C2orf76: variants seen among roughly 807,000 people sequenced by gnomAD.
The protein encoded by C2orf76 is UPF0538 protein C2orf76.
A neutral mutation model predicts 16.9 loss-of-function variants in C2orf76; 23 were observed. The observed-to-expected ratio is 1.36, with a 90% CI of 0.98 to 1.93. The LOEUF (loss-of-function observed/expected upper bound fraction) is 1.93. Among genes scored for constraint, C2orf76 ranks in the 30% most tolerant of loss-of-function variants. The probability of loss-of-function intolerance (pLI) is 0.00; values close to 1 mark genes in which losing one functional copy is unlikely to be tolerated. For missense variants in C2orf76, 152 were observed against 152.6 expected (o/e 1.00, Z 0.02); for synonymous variants, 48 against 52.3 (o/e 0.92, Z 0.35).
rs1558777524 is a variant in C2orf76, at chr2:119,311,698, A to T, written c.228T>A (p.Asn76Lys). 6.3e-7 allele frequency: 1 copy of T among 1,599,404 alleles called. No homozygotes were observed. The highest frequency in any genetic ancestry group is 8.5e-7 in the Non-Finnish European group (1 of 1,178,532). The change falls in exon 5 of 6, where the codon AAT becomes AAA. Residue 76 changes from asparagine (N) to lysine (K), a missense_variant. Asn to Lys is a moderately conservative substitution (Grantham distance 94, BLOSUM62 0). Transcript: ENST00000334816. ...CATCTTCCAAACTCAACACAAGTTC[A>T]TTTGTCTAAAAAAAAAAAAGAAAAT... is the stretch of plus-strand genomic sequence containing the variant. ...IIHQAHKSKT[N>K]ELVLSLEDDE...
chr2:119,293,853 C>A, the C2orf76 span, among the ~76,000 whole-genome samples: 112 of 152,298 alleles, frequency 7.4e-4, 1 homozygote, highest in African/African-American at 2.6e-3. Flanking sequence ...GTGGAGAAGA[C>A]TGAGCATGGT....
At chr2:119,301,148 T>G (rs1313877976), downstream of C2orf76, among the ~76,000 whole-genome samples, 2 of 152,010 alleles carry the variant, frequency 1.3e-5, no homozygotes, top group Non-Finnish European at 2.9e-5. Flanking sequence ...CTTTTTCTGC[T>G]ATTCTTAAAA....
intron 1 of C2orf76, chr2:119,340,469 A>G (rs1679989890): frequency 3.3e-5 from 5 of 153,148 alleles, no homozygotes; most frequent in African/African-American, 1.2e-4. Context: ...CGATGGTGTT[A>G]CCGTCTTTCA....
At chr2:119,310,912 T>C (rs1036646092) in intron 5 of C2orf76, among the ~76,000 whole-genome samples, 1 of 152,094 alleles carries the variant, frequency 6.6e-6, no homozygotes, top group African/African-American at 2.4e-5. Context: ...AGAAGAAGCA[T>C]GGCTTGTGAC....
intron 1 of C2orf76, among the ~76,000 whole-genome samples, chr2:119,344,024 T>C (rs1231625389): frequency 6.6e-6 from 1 of 152,230 alleles, no homozygotes; most frequent in Non-Finnish European, 1.5e-5. Flanking sequence ...TGAAACTGTT[T>C]TTCACAATTA....
At chr2:119,286,380 T>C in the C2orf76 span, among the ~76,000 whole-genome samples, 1 of 152,050 alleles carries the variant, frequency 6.6e-6, no homozygotes, top group Non-Finnish European at 1.5e-5. Flanking sequence ...AAGGACAAGA[T>C]GGTCCTTGGT....
chr2:119,353,020 G>A (rs1680452179), intron 1 of C2orf76, among the ~76,000 whole-genome samples: 1 of 152,172 alleles, frequency 6.6e-6, no homozygotes, highest in South Asian at 2.1e-4. Context: ...TGGCAAAGGT[G>A]AGCAGATATA....
At chr2:119,351,482 G>A (rs1238105670) in intron 1 of C2orf76, among the ~76,000 whole-genome samples, 1 of 152,178 alleles carries the variant, frequency 6.6e-6, no homozygotes, top group Non-Finnish European at 1.5e-5. Flanking sequence ...TGGGCACGGT[G>A]GCTCACACCT....
chr2:119,309,459 T>TG (rs371283462), intron 5 of C2orf76, among the ~76,000 whole-genome samples: 9,722 of 134,954 alleles, frequency 0.072, 1,149 homozygotes, highest in African/African-American at 0.26. Flanking sequence ...CAGGCTGGAG[T>TG]GCTGTGCTGG....
At position 119,317,579 on chromosome 2, in the gene C2orf76, G is replaced by T. The variant is rs143488329; in HGVS notation, c.185-76C>A. Reference sequence around the variant, plus strand: ...TTTCAAATTATTAAAATGGGTGGAGGGTGGCTACGAAATTGAGAAATGTAA... The same window carrying T: ...TTTCAAATTATTAAAATGGGTGGAGTGTGGCTACGAAATTGAGAAATGTAA... On this transcript the variant is annotated intron_variant, in intron 3 of 5. Transcript: ENST00000334816. 1,369 of 1,206,370 alleles carry T rather than the reference G, an allele frequency of 1.1e-3. 26 individuals carry two copies. Among genetic ancestry groups the T allele is most frequent in the South Asian group, 0.01 (744 of 73,964 alleles). The allele number at this position is 1,206,370 out of a possible 1,614,324, so 74.7% of individuals were successfully genotyped here.
At chr2:119,347,398 T>C (rs1558794082) in intron 1 of C2orf76, among the ~76,000 whole-genome samples, 1 of 152,240 alleles carries the variant, frequency 6.6e-6, no homozygotes, top group Non-Finnish European at 1.5e-5. Context: ...GTATGGATCC[T>C]AATTTGTATA....
At chr2:119,328,318 T>G (rs1170305682) in intron 2 of C2orf76, among the ~76,000 whole-genome samples, 1 of 152,196 alleles carries the variant, frequency 6.6e-6, no homozygotes, top group Non-Finnish European at 1.5e-5. Flanking sequence ...GTTCATGCCG[T>G]TTCTTTTTTA....
chr2:119,299,761 C>T (rs1292433410), downstream of C2orf76, among the ~76,000 whole-genome samples: 3 of 152,142 alleles, frequency 2.0e-5, no homozygotes, highest in Non-Finnish European at 2.9e-5. Context: ...GCATTATCTA[C>T]TTAAAAATGC....
intron 2 of C2orf76, among the ~76,000 whole-genome samples, chr2:119,326,472 C>A (rs1020942807): frequency 1.3e-5 from 2 of 152,162 alleles, no homozygotes; most frequent in Non-Finnish European, 1.5e-5. Flanking sequence ...AGTTTTATAG[C>A]AGTAAGTCAT....
At chr2:119,332,016 A>G (rs1044872982) in intron 2 of C2orf76, among the ~76,000 whole-genome samples, 1 of 144,916 alleles carries the variant, frequency 6.9e-6, no homozygotes, top group Non-Finnish European at 1.5e-5. Flanking sequence ...AAGTCTCCAT[A>G]AAAAAAAAAT....
chr2:119,333,932 G>A (rs557718608), intron 2 of C2orf76, among the ~76,000 whole-genome samples: 17 of 152,258 alleles, frequency 1.1e-4, no homozygotes, highest in African/African-American at 2.4e-4. Flanking sequence ...CCTTCAATGC[G>A]TGTTCAATGC....
In C2orf76 at chr2:119,305,943, A is replaced by AAC. The variant is rs1491447322; in HGVS notation, c.305-3396_305-3395insGT. ...ACTAGCCAAAAAAAAAAACAACAAC[A>AAC]AAAAAAAAAAAAAACAAAAAAAACC... On this transcript the variant is annotated intron_variant, in intron 5 of 5. Transcript: ENST00000334816. Among the ~76,000 whole-genome samples, 300 of 49,830 alleles carry AAC rather than the reference A, an allele frequency of 6.0e-3. 5 individuals carry two copies. Among genetic ancestry groups the AAC allele is most frequent in the Admixed American group, 0.011 (51 of 4,450 alleles). The allele number at this position is 49,830 out of a possible 152,430, so 32.7% of individuals were successfully genotyped here.
intron 2 of C2orf76, among the ~76,000 whole-genome samples, chr2:119,334,123 C>T (rs1047997365): frequency 2.0e-5 from 3 of 151,896 alleles, no homozygotes; most frequent in African/African-American, 7.3e-5. Flanking sequence ...GTAAAAGAAG[C>T]CATTCTGAAA....
the C2orf76 span, among the ~76,000 whole-genome samples, chr2:119,293,431 T>C: frequency 6.6e-6 from 1 of 152,288 alleles, no homozygotes; most frequent in Admixed American, 6.5e-5. Context: ...ATATGTTTGG[T>C]GTGCACCAGG....
Sources: gnomAD v4.1 joint callset for allele counts (sites outside exome capture counted in the v4.1 genomes callset) on GRCh38, gnomAD v4.1.1 for gene constraint, MANE v1.5 for transcripts, NCBI Gene and HGNC (gene_info 2026-07-23, HGNC 2026-07-21) for gene names.